The following PDE4D variants were observed in gnomAD, a reference collection of about 807,000 sequenced individuals.
PDE4D encodes phosphodiesterase 4D, also known as 3',5'-cyclic-AMP phosphodiesterase 4D.
In PDE4D, 24 loss-of-function variants were observed where a neutral mutation model predicts 87.4. That is an observed-to-expected ratio of 0.27 (90% CI 0.20 to 0.39). The LOEUF is 0.39. Ranked by LOEUF, PDE4D falls within the 10% of genes least tolerant of loss-of-function variation. The probability of loss-of-function intolerance (pLI) is 1.00; values close to 1 mark genes in which losing one functional copy is unlikely to be tolerated. For missense variants in PDE4D, 714 were observed against 1,041.0 expected (o/e 0.69, Z 4.32); for synonymous variants, 384 against 383.2 (o/e 1.00, Z -0.02).
chr5:60,351,012 A>G (rs1306998922), intron 1 of PDE4D, among the ~76,000 whole-genome samples: 1 of 152,188 alleles, frequency 6.6e-6, no homozygotes, highest in Non-Finnish European at 1.5e-5. Flanking sequence ...CAAGCAGATA[A>G]AAAGGTCTCA....
chr5:59,001,090 A>G (rs1750444678), intron 6 of PDE4D, among the ~76,000 whole-genome samples: 1 of 152,198 alleles, frequency 6.6e-6, no homozygotes, highest in Non-Finnish European at 1.5e-5. Context: ...TTTTACGAGG[A>G]GGGTTAAATG....
At chr5:60,186,166 C>A (rs866205235) in intron 1 of PDE4D, among the ~76,000 whole-genome samples, 2 of 152,112 alleles carry the variant, frequency 1.3e-5, no homozygotes, top group Non-Finnish European at 2.9e-5. Flanking sequence ...TGACAATAAT[C>A]AATAGTACCT....
intron 1 of PDE4D, among the ~76,000 whole-genome samples, chr5:59,734,145 A>T (rs925850648): frequency 4.6e-5 from 7 of 152,106 alleles, no homozygotes; most frequent in Non-Finnish European, 7.4e-5. Context: ...ACACATACAC[A>T]GGTTTGTATA....
intron 1 of PDE4D, among the ~76,000 whole-genome samples, chr5:59,613,293 A>C (rs1222452789): frequency 6.6e-6 from 1 of 152,204 alleles, no homozygotes; most frequent in Non-Finnish European, 1.5e-5. Flanking sequence ...CTCCAGGAGG[A>C]GCAAGTTTGC....
At chr5:59,559,557 T>C (rs1819586559) in intron 1 of PDE4D, among the ~76,000 whole-genome samples, 1 of 152,198 alleles carries the variant, frequency 6.6e-6, no homozygotes, top group African/African-American at 2.4e-5. Flanking sequence ...GATATGAGCG[T>C]GAATGACGCT....
chr5:59,023,478 A>G (rs1755613471), intron 6 of PDE4D, among the ~76,000 whole-genome samples: 1 of 151,936 alleles, frequency 6.6e-6, no homozygotes, highest in Non-Finnish European at 1.5e-5. Context: ...AAAAAAAAAA[A>G]AAAAAAGTTA....
intron 1 of PDE4D, among the ~76,000 whole-genome samples, chr5:59,360,749 T>C (rs889190066): frequency 6.6e-6 from 1 of 152,164 alleles, no homozygotes; most frequent in African/African-American, 2.4e-5. Flanking sequence ...AATTATTCCA[T>C]GTTCTGAAAT....
intron 1 of PDE4D, among the ~76,000 whole-genome samples, chr5:60,292,413 A>G (rs78875994): frequency 8.7e-4 from 132 of 152,350 alleles, no homozygotes; most frequent in African/African-American, 3.0e-3. Flanking sequence ...TCCATTTGGT[A>G]TGCGAAATAC....
intron 1 of PDE4D, among the ~76,000 whole-genome samples, chr5:59,425,669 T>C (rs1233558463): frequency 6.6e-6 from 1 of 152,204 alleles, no homozygotes; most frequent in Non-Finnish European, 1.5e-5. Context: ...TTGAATTTGA[T>C]AAAGATTTAT....
At chr5:59,224,214 T>C (rs1361685936) in intron 1 of PDE4D, among the ~76,000 whole-genome samples, 1 of 149,688 alleles carries the variant, frequency 6.7e-6, no homozygotes, top group Non-Finnish European at 1.5e-5. Flanking sequence ...CCCAGGAGGC[T>C]GAGGCTTCAG....
chr5:59,680,232 T>C (rs957934224), intron 1 of PDE4D, among the ~76,000 whole-genome samples: 1 of 152,152 alleles, frequency 6.6e-6, no homozygotes, highest in African/African-American at 2.4e-5. Flanking sequence ...ATTTGGAATT[T>C]ACTCAGAACT....
At chr5:60,013,269 T>C (rs767324671) in intron 2 of PDE4D, among the ~76,000 whole-genome samples, 1 of 152,218 alleles carries the variant, frequency 6.6e-6, no homozygotes, top group East Asian at 1.9e-4. Flanking sequence ...ACTAATAGTA[T>C]CTAACACCAA....
intron 1 of PDE4D, among the ~76,000 whole-genome samples, chr5:59,449,193 G>C (rs891685956): frequency 2.0e-5 from 3 of 152,204 alleles, no homozygotes; most frequent in African/African-American, 7.2e-5. Flanking sequence ...TGAGTTACCT[G>C]AGATCATCCT....
intron 1 of PDE4D, among the ~76,000 whole-genome samples, chr5:60,278,680 T>C (rs1257549641): frequency 1.3e-5 from 2 of 152,100 alleles, no homozygotes; most frequent in African/African-American, 4.8e-5. Context: ...GCCCATCCAC[T>C]AAGCTTTTTC....
intron 5 of PDE4D, among the ~76,000 whole-genome samples, chr5:59,109,003 G>GTGTGTGT (rs1554071100): frequency 1.4e-5 from 2 of 140,656 alleles, no homozygotes; most frequent in South Asian, 2.3e-4. Context: ...GTGTGTGTGT[G>GTGTGTGT]GTGTAGGCCT....
intron 1 of PDE4D, among the ~76,000 whole-genome samples, chr5:59,745,463 C>T (rs74378293): frequency 3.3e-5 from 5 of 152,244 alleles, no homozygotes; most frequent in South Asian, 4.1e-4. Flanking sequence ...TGTAAATCTA[C>T]GTTGGCAAGA....
chr5:58,984,646 C>T (rs1745998683), intron 11 of PDE4D, among the ~76,000 whole-genome samples: 1 of 152,114 alleles, frequency 6.6e-6, no homozygotes, highest in African/African-American at 2.4e-5. Flanking sequence ...CAGCTAGATA[C>T]ATCTTAACCT....
chr5:59,735,576 C>T (rs1181440011), intron 1 of PDE4D, among the ~76,000 whole-genome samples: 3 of 152,084 alleles, frequency 2.0e-5, no homozygotes, highest in African/African-American at 4.8e-5. Context: ...ACATATCTTG[C>T]GTTATTCACC....
intron 5 of PDE4D, among the ~76,000 whole-genome samples, chr5:59,088,067 C>T (rs1399912667): frequency 4.6e-5 from 7 of 151,956 alleles, no homozygotes; most frequent in Admixed American, 3.9e-4. Flanking sequence ...GCATGCAATA[C>T]ATGTTTGTTA....
Sources: gnomAD v4.1 joint callset for allele counts (sites outside exome capture counted in the v4.1 genomes callset) on GRCh38, gnomAD v4.1.1 for gene constraint, MANE v1.5 for transcripts, NCBI Gene and HGNC (gene_info 2026-07-23, HGNC 2026-07-21) for gene names.